Variants in PLXNA4 observed in about 807,000 individuals in gnomAD.
PLXNA4 encodes the protein plexin-A4.
Under a neutral mutation model 191.8 loss-of-function variants are expected in PLXNA4, and 44 were observed. The observed-to-expected ratio is 0.23, with a 90% confidence interval of 0.18 to 0.29. The LOEUF is 0.29. Ranked by LOEUF, PLXNA4 falls within the 10% of genes least tolerant of loss-of-function variation. The probability of loss-of-function intolerance (pLI) is 1.00; values close to 1 mark genes in which losing one functional copy is unlikely to be tolerated. For missense variants in PLXNA4, 1,800 were observed against 2,488.8 expected (o/e 0.72, Z 5.89); for synonymous variants, 1,082 against 1,009.5 (o/e 1.07, Z -1.36).
At chr7:132,348,028 T>C (rs1392895022) in intron 3 of PLXNA4, among the ~76,000 whole-genome samples, 1 of 152,152 alleles carries the variant, frequency 6.6e-6, no homozygotes, top group Non-Finnish European at 1.5e-5. Flanking sequence ...TGCCTCCCAG[T>C]TGCTCCTTAG....
chr7:132,586,859 G>C (rs751012232), intron 2 of PLXNA4, among the ~76,000 whole-genome samples: 33 of 152,314 alleles, frequency 2.2e-4, no homozygotes, highest in South Asian at 1.2e-3. Context: ...CCAGGCAGGA[G>C]GTCAAGGCTG....
intron 3 of PLXNA4, among the ~76,000 whole-genome samples, chr7:132,425,569 AC>A (rs1228934338): frequency 6.6e-6 from 1 of 151,864 alleles, no homozygotes; most frequent in African/African-American, 2.4e-5. Flanking sequence ...GCCCTGCCTT[AC>A]CCCAGTCAGG....
chr7:132,371,742 C>G (rs1436561468), intron 3 of PLXNA4, among the ~76,000 whole-genome samples: 1 of 152,150 alleles, frequency 6.6e-6, no homozygotes, highest in Non-Finnish European at 1.5e-5. Context: ...ACTCCTTTAT[C>G]AAAGCCCATG....
intron 2 of PLXNA4, among the ~76,000 whole-genome samples, chr7:132,619,154 C>A (rs1353775023): frequency 6.6e-6 from 1 of 152,100 alleles, no homozygotes; most frequent in Non-Finnish European, 1.5e-5. Context: ...TGTTTTGAAT[C>A]CTTAGGAAAA....
intron 2 of PLXNA4, among the ~76,000 whole-genome samples, chr7:132,625,261 C>T (rs1208937297): frequency 6.6e-6 from 1 of 152,048 alleles, no homozygotes; most frequent in Non-Finnish European, 1.5e-5. Flanking sequence ...TGATGAAAGC[C>T]CCTCCAGCCC....
chr7:132,529,482 T>C (rs1269005912), intron 1 of PLXNA4, among the ~76,000 whole-genome samples: 3 of 152,222 alleles, frequency 2.0e-5, no homozygotes, highest in Non-Finnish European at 1.5e-5. Context: ...CAACTTACTA[T>C]GCATTGGATT....
At position 132,133,203 on chromosome 7, in the gene PLXNA4, TG is replaced by T; in HGVS notation, c.5439-5del. The T allele has an allele frequency of 6.2e-7, 1 of 1,613,764 alleles. No homozygotes were observed. Among genetic ancestry groups the T allele is most frequent in the South Asian group, 1.1e-5 (1 of 91,034 alleles). On this transcript the variant is annotated splice_polypyrimidine_tract_variant and splice_region_variant and intron_variant, in intron 30 of 31. Transcript: ENST00000321063. ...CTTCCCTATGTCTGAGTAATACCTG[TG>T]GAGGGATGGAAATAGGGAGAAGCTG...
intron 2 of PLXNA4, among the ~76,000 whole-genome samples, chr7:132,610,694 T>C (rs1803027942): frequency 6.6e-6 from 1 of 152,198 alleles, no homozygotes; most frequent in Admixed American, 6.5e-5. Context: ...AAGTGCATCA[T>C]TTAAACCCCA....
At chr7:132,484,473 G>A (rs1050152790) in intron 3 of PLXNA4, among the ~76,000 whole-genome samples, 1 of 152,178 alleles carries the variant, frequency 6.6e-6, no homozygotes, top group Non-Finnish European at 1.5e-5. Context: ...GCAAAACCAG[G>A]GATGGAAAAT....
rs576362548 is a variant in PLXNA4 at position 132,599,392 on chromosome 7, T to C, written c.-87+46536A>G. Among the ~76,000 whole-genome samples the C allele has an allele frequency of 4.6e-5, 7 of 152,372 alleles. No individual in the cohort carries two copies. In the East Asian group the frequency reaches 1.3e-3, roughly 29 times the overall value. ...TAGCATGTGTCTCCATTTACTCAGA[T>C]CAACTTCTATGTACTTTATTACATA... On this transcript the variant is annotated intron_variant, in intron 2 of 4. Transcript: ENST00000378539.
At chr7:132,225,143 G>A (rs1798274149) in intron 8 of PLXNA4, among the ~76,000 whole-genome samples, 1 of 152,016 alleles carries the variant, frequency 6.6e-6, no homozygotes, top group Non-Finnish European at 1.5e-5. Context: ...GATTTCTATG[G>A]TGAGAAGAAA....
At chr7:132,562,969 T>TC (rs1801338389) in intron 1 of PLXNA4, among the ~76,000 whole-genome samples, 1 of 86,078 alleles carries the variant, frequency 1.2e-5, no homozygotes, top group Non-Finnish European at 2.3e-5. Flanking sequence ...CTCCTCCTCC[T>TC]CTCCCTCCTC....
chr7:132,492,311 G>A (rs974889458), intron 2 of PLXNA4, among the ~76,000 whole-genome samples: 11 of 152,148 alleles, frequency 7.2e-5, no homozygotes, highest in African/African-American at 1.4e-4. Flanking sequence ...TACTGAATAC[G>A]ATTCTTCCCC....
At chr7:132,271,331 T>C (rs1056149266) in intron 4 of PLXNA4, 2 of 151,852 alleles carry the variant, frequency 1.3e-5, no homozygotes, top group Admixed American at 6.6e-5. Context: ...AAGTTATTCA[T>C]CTGGATGTCT....
intron 4 of PLXNA4, among the ~76,000 whole-genome samples, chr7:132,243,503 T>C (rs899927584): frequency 2.6e-5 from 4 of 152,368 alleles, no homozygotes; most frequent in Middle Eastern, 3.4e-3. Context: ...ATTCAGATTC[T>C]TAAAATATTT....
At chr7:132,392,280 A>G (rs1026405736) in intron 3 of PLXNA4, among the ~76,000 whole-genome samples, 18 of 152,236 alleles carry the variant, frequency 1.2e-4, no homozygotes, top group Non-Finnish European at 5.9e-5. Context: ...TATTTATTAC[A>G]TTAACAAGAG....
intron 9 of PLXNA4, among the ~76,000 whole-genome samples, chr7:132,217,593 C>T (rs984456113): frequency 3.3e-5 from 5 of 152,142 alleles, no homozygotes; most frequent in Admixed American, 3.3e-4. Context: ...GCCCTAACCC[C>T]AACCAACCCT....
intron 3 of PLXNA4, among the ~76,000 whole-genome samples, chr7:132,421,573 C>G (rs1420182284): frequency 1.5e-5 from 2 of 137,178 alleles, no homozygotes; most frequent in Non-Finnish European, 3.0e-5. Context: ...TACTTTATTG[C>G]TAAAGTTTTT....
intron 3 of PLXNA4, among the ~76,000 whole-genome samples, chr7:132,311,243 C>T (rs749004035): frequency 2.0e-5 from 3 of 149,344 alleles, no homozygotes; most frequent in Non-Finnish European, 3.0e-5. Flanking sequence ...ATGCATGTGA[C>T]GTTACCCAAG....
Sources: allele counts gnomAD v4.1 joint callset (sites outside exome capture counted in the v4.1 genomes callset), GRCh38; gene constraint gnomAD v4.1.1; transcripts MANE v1.5; gene names NCBI Gene and HGNC (gene_info 2026-07-23, HGNC 2026-07-21).